Variants in PGAP4 observed in about 807,000 individuals in gnomAD.
The protein encoded by PGAP4 is post-GPI attachment to proteins GalNAc transferase 4.
A neutral mutation model predicts 28.2 loss-of-function variants in PGAP4; 12 were observed. The ratio of observed to expected loss-of-function variants is 0.42; its 90% confidence interval spans 0.27 to 0.69. PGAP4 has a LOEUF of 0.69. Ranked by LOEUF, PGAP4 falls within the 30% of genes least tolerant of loss-of-function variation. The probability of loss-of-function intolerance (pLI) is 0.22; values close to 1 mark genes in which losing one functional copy is unlikely to be tolerated. For missense variants in PGAP4, 425 were observed against 513.5 expected (o/e 0.83, Z 1.67); for synonymous variants, 205 against 211.8 (o/e 0.97, Z 0.28).
chr9:101,479,739 T>A (rs1826428333), intron 1 of PGAP4: 1 of 152,236 alleles, frequency 6.6e-6, no homozygotes, highest in South Asian at 2.1e-4. Context: ...AGTGATAACA[T>A]GTATTTCTTG....
intron 2 of PGAP4, among the ~76,000 whole-genome samples, chr9:101,502,553 A>C (rs969642485): frequency 6.6e-6 from 1 of 152,000 alleles, no homozygotes; most frequent in Admixed American, 6.6e-5. Flanking sequence ...ATGTCACCCC[A>C]CCATCCTGAT....
chr9:101,523,319 C>T (rs1376180451), intron 2 of PGAP4, among the ~76,000 whole-genome samples: 1 of 152,084 alleles, frequency 6.6e-6, no homozygotes, highest in Middle Eastern at 3.2e-3. Flanking sequence ...TTAGAATTCT[C>T]TTCTTCCTCA....
intron 2 of PGAP4, among the ~76,000 whole-genome samples, chr9:101,504,047 TA>T (rs1028230428): frequency 6.6e-6 from 1 of 151,760 alleles, no homozygotes; most frequent in Non-Finnish European, 1.5e-5. Flanking sequence ...GTTTTTTTTC[TA>T]AAAAAGTGGG....
intron 2 of PGAP4, among the ~76,000 whole-genome samples, chr9:101,505,840 A>T (rs1373679380): frequency 6.6e-6 from 1 of 152,232 alleles, no homozygotes; most frequent in East Asian, 1.9e-4. Flanking sequence ...GTTCGTAAAA[A>T]CACAAAAGAT....
At chr9:101,507,956 T>C (rs1055856726) in intron 2 of PGAP4, among the ~76,000 whole-genome samples, 2 of 152,124 alleles carry the variant, frequency 1.3e-5, no homozygotes, top group Non-Finnish European at 2.9e-5. Context: ...TGAAATCCTT[T>C]TAATCTCACT....
chr9:101,520,212 A>G (rs889215321), intron 2 of PGAP4, among the ~76,000 whole-genome samples: 7 of 152,248 alleles, frequency 4.6e-5, no homozygotes, highest in African/African-American at 1.4e-4. Context: ...TTGGTTCCAT[A>G]TGAATTTTAG....
rs1450783514 is a variant in PGAP4, at chr9:101,486,614, C to T, written c.-78+335G>A. Among the ~76,000 whole-genome samples, 1 of 152,170 alleles carries T rather than the reference C, an allele frequency of 6.6e-6. No homozygotes were observed. Among genetic ancestry groups the T allele is most frequent in the Non-Finnish European group, 1.5e-5 (1 of 68,018 alleles). On this transcript the variant is annotated intron_variant, in intron 1 of 1. Transcript: ENST00000374848. This position sits in a 1 kb window ranked among gnomAD's most constrained non-coding sequence, Gnocchi z 4.7. ...TCGCGTCCTTCTATTGACCTGTCAG[C>T]GCAGCTGGCGCAGGCAAGGGCCAGG...
chr9:101,476,802 G>A lies in PGAP4; in HGVS notation c.291C>T (p.Thr97=), dbSNP rs143609172. The change falls in exon 2 of 2, where the codon ACC becomes ACT. Residue 97 remains threonine, a synonymous_variant. Coordinates refer to ENST00000374848, the MANE Select transcript of PGAP4 (RefSeq NM_032342.3). This position sits in a 1 kb window ranked among gnomAD's most constrained non-coding sequence, Gnocchi z 7.0. Reference sequence around the variant, plus strand: ...TGGTGATCACCAGCCAGGGCCGGGGGGTGGCCTGCCAGACAATGGGCACTG... The same window carrying A: ...TGGTGATCACCAGCCAGGGCCGGGGAGTGGCCTGCCAGACAATGGGCACTG... ...NGSVPIVWQA[T]PRPWLVITII... 17 of 1,611,408 alleles carry A rather than the reference G, an allele frequency of 1.1e-5. No homozygotes were observed. In the East Asian group the frequency reaches 1.1e-4, roughly 11 times the overall value.
chr9:101,514,176 A>G (rs1027719166), intron 2 of PGAP4, among the ~76,000 whole-genome samples: 15 of 152,052 alleles, frequency 9.9e-5, no homozygotes, highest in Admixed American at 9.2e-4. Context: ...GGTATTCCTT[A>G]ATTCAGCCAA....
chr9:101,477,179 G>A lies in PGAP4; in HGVS notation c.-77-10C>T. 6.9e-7 allele frequency: 1 copy of A among 1,457,962 alleles called. No individual in the cohort carries two copies. The highest frequency in any genetic ancestry group is 9.0e-7 in the Non-Finnish European group (1 of 1,106,734). The allele number at this position is 1,457,962 out of a possible 1,614,324, so 90.3% of individuals were successfully genotyped here. A position where few individuals can be genotyped will look rare whatever the true frequency, so the allele number is the denominator to read the frequency against. On this transcript the variant is annotated splice_polypyrimidine_tract_variant and intron_variant, in intron 1 of 1. Transcript: ENST00000374848. Reference sequence around the variant, plus strand: ...TCATCAGAAATCAAACCTAAAGAGAGAGGAAGTAGGGAATGGTAAGAGTAA... The same window carrying A: ...TCATCAGAAATCAAACCTAAAGAGAAAGGAAGTAGGGAATGGTAAGAGTAA...
chr9:101,492,474 C>G (rs1480483231), intron 2 of PGAP4, among the ~76,000 whole-genome samples: 3 of 152,132 alleles, frequency 2.0e-5, no homozygotes, highest in African/African-American at 7.2e-5. Flanking sequence ...GTCTCTGATA[C>G]TAACATAGCA....
In PGAP4 at chr9:101,493,530, C is replaced by A. The variant is rs117874069; in HGVS notation, c.-164-4330G>T. On this transcript the variant is annotated intron_variant, in intron 2 of 3. Coordinates refer to the PGAP4 transcript ENST00000374851. ...TTAACTAATAGATACTAAATGATTT[C>A]TTAGGTTAGGTTTTGTGAAATTACC... Among the ~76,000 whole-genome samples the A allele has an allele frequency of 5.0e-3, 765 of 152,026 alleles. 1 individual carries two copies. The highest frequency in any genetic ancestry group is 8.9e-3 in the Non-Finnish European group (605 of 67,966).
chr9:101,498,112 A>G (rs1372071619), intron 2 of PGAP4, among the ~76,000 whole-genome samples: 5 of 151,166 alleles, frequency 3.3e-5, no homozygotes, highest in African/African-American at 1.2e-4. Flanking sequence ...ATTTTTAAAA[A>G]CCTCTTTTAT....
At chr9:101,516,595 A>G (rs1347015474) in intron 2 of PGAP4, among the ~76,000 whole-genome samples, 1 of 152,188 alleles carries the variant, frequency 6.6e-6, no homozygotes, top group Admixed American at 6.6e-5. Flanking sequence ...TTTAAATTAA[A>G]ATATGTTGAT....
At chr9:101,478,815 T>C (rs986974836) in intron 1 of PGAP4, among the ~76,000 whole-genome samples, 1 of 152,190 alleles carries the variant, frequency 6.6e-6, no homozygotes, top group Non-Finnish European at 1.5e-5. Context: ...CACCTCCCAG[T>C]ACCCTCCCAA....
intron 2 of PGAP4, among the ~76,000 whole-genome samples, chr9:101,504,623 T>G (rs577231838): frequency 6.6e-6 from 1 of 151,976 alleles, no homozygotes; most frequent in South Asian, 2.1e-4. Flanking sequence ...TCCCAAGAGT[T>G]TGTTTGTGCT....
intron 2 of PGAP4, among the ~76,000 whole-genome samples, chr9:101,494,388 TC>T (rs1356955522): frequency 6.6e-6 from 1 of 151,920 alleles, no homozygotes; most frequent in Non-Finnish European, 1.5e-5. Context: ...AAGTATACTT[TC>T]CCAAGTTCTC....
chr9:101,478,644 G>A (rs74863928), intron 1 of PGAP4, among the ~76,000 whole-genome samples: 4,641 of 152,280 alleles, frequency 0.03, 230 homozygotes, highest in African/African-American at 0.1. Flanking sequence ...GAACAGATGT[G>A]CCATCTCGAC....
chr9:101,490,388 C>A (rs1235205883), upstream of PGAP4, among the ~76,000 whole-genome samples: 1 of 151,978 alleles, frequency 6.6e-6, no homozygotes, highest in Non-Finnish European at 1.5e-5. Context: ...TGGGGTTTCA[C>A]CATTTTGGCC....
Sources: allele counts gnomAD v4.1 joint callset (sites outside exome capture counted in the v4.1 genomes callset), GRCh38; gene constraint gnomAD v4.1.1; non-coding constraint Gnocchi (gnomAD v3.1); transcripts MANE v1.5; gene names NCBI Gene and HGNC (gene_info 2026-07-23, HGNC 2026-07-21).